The following CARF variants were observed in gnomAD, a reference collection of about 807,000 sequenced individuals.
CARF encodes calcium responsive transcription factor, also known as calcium-responsive transcription factor.
A neutral mutation model predicts 82.0 loss-of-function variants in CARF; 57 were observed. That is an observed-to-expected ratio of 0.70 (90% CI 0.56 to 0.87). The LOEUF is 0.87. CARF is among the 40% of genes least tolerant of loss of function. CARF has a pLI of 0.00. For synonymous variants in CARF, 268 were observed against 290.1 expected, an observed-to-expected ratio of 0.92 and a Z score of 0.77; for missense variants, 771 against 855.8, an observed-to-expected ratio of 0.90 and a Z score of 1.24.
intron 5 of CARF, among the ~76,000 whole-genome samples, chr2:202,948,793 C>G (rs918217248): frequency 1.3e-5 from 2 of 152,122 alleles, no homozygotes; most frequent in Non-Finnish European, 2.9e-5. Context: ...CGTCTGCAAA[C>G]AAGGATAGTC....
Position 202,982,307 on chromosome 2 carries a change from T to C in CARF, c.1925T>C (p.Leu642Pro), listed in dbSNP as rs1341416214. The C allele has an allele frequency of 6.2e-7, 1 of 1,614,146 alleles. No individual in the cohort carries two copies. Residue 642 changes from leucine (L) to proline (P), a missense_variant, in exon 16 of 17, where the codon CTA becomes CCA. Physicochemically the swap from Leu to Pro is moderately conservative, Grantham distance 98. Transcript: ENST00000438828. ...MGNLPEPDQN[L>P]VAMDELVEVG... ...AACCTTCCAGAACCAGATCAAAATC[T>C]AGTTGCAATGGACGAGCTGGTAGAA...
chr2:202,950,973 T>C (rs2058728842), intron 5 of CARF, among the ~76,000 whole-genome samples: 2 of 152,242 alleles, frequency 1.3e-5, no homozygotes, highest in South Asian at 4.1e-4. Context: ...TAAAGCATTC[T>C]AGTTTGTTGA....
At chr2:202,950,586 A>G (rs910673083) in intron 5 of CARF, among the ~76,000 whole-genome samples, 2 of 152,126 alleles carry the variant, frequency 1.3e-5, no homozygotes, top group Non-Finnish European at 2.9e-5. Context: ...ATTGTCAAAT[A>G]TTGGGAGCTA....
At chr2:202,924,948 C>A in intron 3 of CARF, 1 of 306,282 alleles carries the variant, frequency 3.3e-6, no homozygotes, top group South Asian at 3.3e-5. Flanking sequence ...ACAAGTTTGC[C>A]CCCTTCACTG....
intron 3 of CARF, among the ~76,000 whole-genome samples, chr2:202,928,167 C>T (rs1313027237): frequency 1.3e-5 from 2 of 152,176 alleles, no homozygotes; most frequent in African/African-American, 4.8e-5. Flanking sequence ...CATTATTCTA[C>T]TCCCTACTTC....
At chr2:202,956,899 C>G (rs2059072122) in intron 8 of CARF, among the ~76,000 whole-genome samples, 5 of 152,258 alleles carry the variant, frequency 3.3e-5, no homozygotes, top group Admixed American at 3.3e-4. Context: ...AGCGATTCTG[C>G]TGCCTCAGCC....
Position 202,984,742 on chromosome 2 carries a change from T to G in CARF, c.*1118T>G, listed in dbSNP as rs528475246. 1.3e-5 allele frequency: 2 copies of G among 152,246 alleles called. No individual in the cohort carries two copies. The highest frequency in any genetic ancestry group is 4.1e-4 in the South Asian group (2 of 4,822). The allele number at this position is 152,246 out of a possible 1,614,324, so 9.4% of individuals were successfully genotyped here. ...AATTACTACTAAGCAGTATATTGAT[T>G]ATAAGCATCTGTTGTCTAAAGATTG... On this transcript the variant is annotated 3_prime_UTR_variant, in exon 17 of 17. Coordinates refer to ENST00000438828, the MANE Select transcript of CARF (RefSeq NM_024744.17).
intron 14 of CARF, among the ~76,000 whole-genome samples, chr2:202,977,844 C>T (rs2060096007): frequency 1.3e-5 from 2 of 151,988 alleles, no homozygotes; most frequent in Non-Finnish European, 2.9e-5. Context: ...AGTTAAACCT[C>T]TGAATTTCTT....
rs1411595189 is a variant in CARF at position 202,912,475 on chromosome 2, C to CT, written c.-957_-956insT. On this transcript the variant is annotated 5_prime_UTR_variant, in exon 1 of 17. It introduces an in-frame stop codon into an upstream open reading frame of the 5' UTR. Coordinates refer to ENST00000438828, the MANE Select transcript of CARF (RefSeq NM_024744.17). The stretch of plus-strand genomic sequence containing the variant: ...CTACCGGACGCTACCTCCCAACCCC[C>CT]CGTCTTCCTCCTGCCTCCTCCTCCT... The CT allele has an allele frequency of 3.2e-5, 1 of 31,242 alleles. No homozygotes were observed. The highest frequency in any genetic ancestry group is 3.3e-4 in the Admixed American group (1 of 2,994). 1.9% of individuals were successfully genotyped at this position (31,242 alleles called of 1,614,324 possible).
intron 3 of CARF, among the ~76,000 whole-genome samples, chr2:202,939,313 A>G (rs970738976): frequency 3.9e-5 from 6 of 152,218 alleles, no homozygotes; most frequent in African/African-American, 1.2e-4. Context: ...CCCTTAACCT[A>G]TGATGGCGAT....
chr2:202,943,617 CACACACACACACAT>C (rs751145788), intron 5 of CARF, among the ~76,000 whole-genome samples: 12,477 of 148,100 alleles, frequency 0.084, 718 homozygotes, highest in Non-Finnish European at 0.12. Flanking sequence ...CACACACACA[CACACACACACACAT>C]ATTAGGCTAA....
chr2:202,974,556 G>A (rs1362139925), intron 13 of CARF, 60 bp downstream of exon 13: 77 of 1,470,392 alleles, frequency 5.2e-5, no homozygotes, highest in Non-Finnish European at 6.6e-5. Flanking sequence ...TTAATATTTA[G>A]TCTAATAAGA....
intron 2 of CARF, among the ~76,000 whole-genome samples, chr2:202,918,308 C>T (rs574488152): frequency 1.3e-5 from 2 of 152,154 alleles, no homozygotes; most frequent in African/African-American, 4.8e-5. Context: ...ATCACAAGGT[C>T]GGGAGATTGA....
intron 2 of CARF, among the ~76,000 whole-genome samples, chr2:202,918,699 T>C (rs1005472123): frequency 5.9e-5 from 9 of 152,258 alleles, no homozygotes; most frequent in Middle Eastern, 3.4e-3. Flanking sequence ...AGCAAATTGA[T>C]GGAAGAAAGG....
intron 13 of CARF, among the ~76,000 whole-genome samples, chr2:202,974,716 C>T (rs889972537): frequency 1.3e-5 from 2 of 151,518 alleles, no homozygotes; most frequent in African/African-American, 4.8e-5. Context: ...CTGGCCAACA[C>T]GGTGAAACCC....
chr2:202,978,382 T>G (rs1371318796), intron 14 of CARF, among the ~76,000 whole-genome samples: 1 of 152,154 alleles, frequency 6.6e-6, no homozygotes, highest in Non-Finnish European at 1.5e-5. Flanking sequence ...AGTGTACCAC[T>G]TTTTCAGGAA....
At chr2:202,954,703 C>T (rs1324687648) in intron 7 of CARF, among the ~76,000 whole-genome samples, 2 of 136,700 alleles carry the variant, frequency 1.5e-5, no homozygotes, top group Non-Finnish European at 3.1e-5. Flanking sequence ...CAGAGCGAGA[C>T]ATCATTTAAA....
Position 202,912,878 on chromosome 2 carries a change from C to T in CARF, c.-554C>T, listed in dbSNP as rs1688890648. The T allele has an allele frequency of 1.3e-5, 2 of 152,208 alleles. No homozygotes were observed. The highest frequency in any genetic ancestry group is 6.5e-5 in the Admixed American group (1 of 15,278). The allele number at this position is 152,208 out of a possible 1,614,324, so 9.4% of individuals were successfully genotyped here. On this transcript the variant is annotated 5_prime_UTR_variant, in exon 1 of 17. Coordinates refer to ENST00000438828, the MANE Select transcript of CARF (RefSeq NM_024744.17). ...GTTTAGAAGGGGAAAATCATCCTCCCACACCTTCTCCCCGACTTTTTGCCT... is the reference window on the plus strand; with the variant it reads ...GTTTAGAAGGGGAAAATCATCCTCCTACACCTTCTCCCCGACTTTTTGCCT...
chr2:202,945,957 C>T (rs1205482794), intron 5 of CARF, among the ~76,000 whole-genome samples: 3 of 152,186 alleles, frequency 2.0e-5, no homozygotes, highest in Non-Finnish European at 2.9e-5. Context: ...CTTTTCTCCA[C>T]AACCTCACTA....
Sources: gnomAD v4.1 joint callset for allele counts (sites outside exome capture counted in the v4.1 genomes callset) on GRCh38, gnomAD v4.1.1 for gene constraint, MANE v1.5 for transcripts, NCBI Gene and HGNC (gene_info 2026-07-23, HGNC 2026-07-21) for gene names.